Variants in ARHGEF3 observed in about 807,000 individuals in gnomAD.
ARHGEF3 encodes the protein 59.8 kDA protein.
A neutral mutation model predicts 63.2 loss-of-function variants in ARHGEF3; 28 were observed. The observed-to-expected ratio is 0.44, with a 90% CI of 0.33 to 0.61. ARHGEF3 has a LOEUF of 0.61. Among genes scored for constraint, ARHGEF3 ranks in the 20% least tolerant of loss-of-function variants. ARHGEF3 has a pLI of 0.03. For synonymous variants in ARHGEF3, 266 were observed against 254.2 expected (o/e 1.05, Z -0.44); for missense variants, 533 against 659.3 (o/e 0.81, Z 2.10).
In ARHGEF3 at chr3:56,775,518, T is replaced by G. The variant is rs376680750; in HGVS notation, c.97-1702A>C. The G allele has an allele frequency of 3.1e-5, 31 of 989,870 alleles. No homozygotes were observed. In the African/African-American group the frequency reaches 5.1e-4, roughly 16 times the overall value. 61.3% of individuals were successfully genotyped at this position (989,870 alleles called of 1,614,324 possible). A position where few individuals can be genotyped will look rare whatever the true frequency, so the allele number is the denominator to read the frequency against. On this transcript the variant is annotated intron_variant, in intron 1 of 9. Transcript: ENST00000296315. The stretch of plus-strand genomic sequence containing the variant: ...GTACCTCTCCAGCTTCTTAGCGTGC[T>G]AAGCTGAACAGACAGCAGAAAACTC...
intron 2 of ARHGEF3, among the ~76,000 whole-genome samples, chr3:57,030,283 T>G (rs767971681): frequency 6.6e-6 from 1 of 151,450 alleles, no homozygotes; most frequent in Non-Finnish European, 1.5e-5. Flanking sequence ...TCCAGGAGAG[T>G]AAAGCCTAGC....
At chr3:56,854,247 A>G (rs2039790275) in intron 4 of ARHGEF3, among the ~76,000 whole-genome samples, 1 of 152,166 alleles carries the variant, frequency 6.6e-6, no homozygotes, top group Non-Finnish European at 1.5e-5. Context: ...GACAAAGGAA[A>G]GAAAAGAAAG....
intron 2 of ARHGEF3, among the ~76,000 whole-genome samples, chr3:57,022,848 C>T (rs1703316764): frequency 6.6e-6 from 1 of 152,208 alleles, no homozygotes; most frequent in Non-Finnish European, 1.5e-5. Context: ...CACATCTGTA[C>T]TGACCTGAAT....
chr3:57,000,255 C>T (rs920820221), intron 2 of ARHGEF3, among the ~76,000 whole-genome samples: 1 of 151,638 alleles, frequency 6.6e-6, no homozygotes, highest in Non-Finnish European at 1.5e-5. Context: ...TACACTCTTA[C>T]AATAACCAGT....
intron 3 of ARHGEF3, among the ~76,000 whole-genome samples, chr3:56,924,058 G>T (rs2042218132): frequency 6.6e-6 from 1 of 152,108 alleles, no homozygotes; most frequent in South Asian, 2.1e-4. Flanking sequence ...AATAAACTTT[G>T]CAACAAAATC....
At chr3:57,075,396 C>T (rs1706165709) in intron 1 of ARHGEF3, 1 of 167,082 alleles carries the variant, frequency 6.0e-6, no homozygotes, top group African/African-American at 2.4e-5. Context: ...GTAGCCCTCT[C>T]TCCCTAAATG....
chr3:57,056,114 G>A (rs750197516), intron 1 of ARHGEF3, among the ~76,000 whole-genome samples: 6 of 152,096 alleles, frequency 3.9e-5, no homozygotes, highest in Admixed American at 6.6e-5. Flanking sequence ...GAGGCCGGGT[G>A]CGGTGGCTCA....
intron 2 of ARHGEF3, chr3:56,975,888 G>A: frequency 6.6e-6 from 2 of 304,756 alleles, no homozygotes; most frequent in East Asian, 1.0e-4. Context: ...TTCTACATCT[G>A]CAAATAAAAA....
chr3:56,922,511 CACTT>C (rs1023479004), intron 3 of ARHGEF3, among the ~76,000 whole-genome samples: 2 of 152,232 alleles, frequency 1.3e-5, no homozygotes, highest in African/African-American at 4.8e-5. Context: ...GTATTTCTGA[CACTT>C]ACATGAATAC....
At chr3:56,851,023 A>G (rs2039659248) in intron 4 of ARHGEF3, among the ~76,000 whole-genome samples, 1 of 152,080 alleles carries the variant, frequency 6.6e-6, no homozygotes, top group African/African-American at 2.4e-5. Context: ...TCCTAGCTTT[A>G]TCTCTTCACC....
At chr3:57,072,241 A>AC (rs555932462) in intron 1 of ARHGEF3, among the ~76,000 whole-genome samples, 72 of 152,304 alleles carry the variant, frequency 4.7e-4, no homozygotes, top group African/African-American at 1.7e-3. Context: ...GTTACCATAT[A>AC]CCTAGCAATT....
At chr3:56,958,745 C>T (rs1700153676) in intron 3 of ARHGEF3, 3 of 1,434,278 alleles carry the variant, frequency 2.1e-6, no homozygotes, top group Non-Finnish European at 1.9e-6. Context: ...CCAACCCTAA[C>T]AGCGTCCGTT....
At chr3:56,732,064 G>A (rs1301981995) in intron 9 of ARHGEF3, 174 bp downstream of exon 9, 1 of 744,924 alleles carries the variant, frequency 1.3e-6, no homozygotes, top group Non-Finnish European at 2.2e-6. Context: ...TTGGAGATGA[G>A]AAACTGAGAA....
intron 4 of ARHGEF3, among the ~76,000 whole-genome samples, chr3:56,855,397 G>C (rs9862327): frequency 0.61 from 92,683 of 151,942 alleles, 28,928 homozygotes; most frequent in East Asian, 0.78. Flanking sequence ...AAAACAAGTA[G>C]TCTGGGCTGG....
intron 4 of ARHGEF3, among the ~76,000 whole-genome samples, chr3:56,878,755 C>T (rs914333717): frequency 2.6e-5 from 4 of 152,192 alleles, no homozygotes; most frequent in African/African-American, 7.2e-5. Flanking sequence ...GTAAGAATAA[C>T]GTCAGTCATC....
At chr3:57,012,927 C>T (rs1702764893) in intron 2 of ARHGEF3, among the ~76,000 whole-genome samples, 1 of 152,224 alleles carries the variant, frequency 6.6e-6, no homozygotes, top group Non-Finnish European at 1.5e-5. Flanking sequence ...GGCTCGCAGG[C>T]CAGCGTGAAT....
At chr3:56,981,510 A>G (rs1279747936) in intron 2 of ARHGEF3, among the ~76,000 whole-genome samples, 25 of 152,154 alleles carry the variant, frequency 1.6e-4, no homozygotes. Flanking sequence ...CAATTCACCA[A>G]CAGAGCTAGT....
At chr3:57,070,790 C>A (rs1273865397) in intron 1 of ARHGEF3, among the ~76,000 whole-genome samples, 1 of 151,870 alleles carries the variant, frequency 6.6e-6, no homozygotes, top group Admixed American at 6.6e-5. Flanking sequence ...CAGACCCAGT[C>A]TCTACCAAAA....
At chr3:56,750,106 C>G (rs2034636217) in intron 6 of ARHGEF3, among the ~76,000 whole-genome samples, 1 of 152,172 alleles carries the variant, frequency 6.6e-6, no homozygotes, top group Non-Finnish European at 1.5e-5. Flanking sequence ...ATACTGTGAG[C>G]AACAGAGTGA....
Sources: allele counts gnomAD v4.1 joint callset (sites outside exome capture counted in the v4.1 genomes callset), GRCh38; gene constraint gnomAD v4.1.1; transcripts MANE v1.5; gene names NCBI Gene and HGNC (gene_info 2026-07-23, HGNC 2026-07-21).